The following ARHGAP21 variants were observed in gnomAD, a reference collection of about 807,000 sequenced individuals.
ARHGAP21 encodes the protein Rho GTPase activating protein 21.
Under a neutral mutation model 164.6 loss-of-function variants are expected in ARHGAP21, and 38 were observed. That is an observed-to-expected ratio of 0.23 (90% CI 0.18 to 0.30). ARHGAP21 has a LOEUF of 0.30. Ranked by LOEUF, ARHGAP21 falls within the 10% of genes least tolerant of loss-of-function variation. The pLI, the probability that ARHGAP21 is intolerant of heterozygous loss-of-function variation, is 1.00. For missense variants in ARHGAP21, 1,822 were observed against 2,370.7 expected (o/e 0.77, Z 4.81); for synonymous variants, 766 against 857.9 (o/e 0.89, Z 1.87).
intron 22 of ARHGAP21, 67 bp from the exon 23 acceptor site, chr10:24,591,750 T>G (rs1015485415): frequency 3.1e-6 from 5 of 1,600,790 alleles, no homozygotes; most frequent in African/African-American, 1.3e-5. Flanking sequence ...TCTTGGAGGA[T>G]AGTATAGAAA....
At chr10:24,652,967 T>G (rs1260346936) in intron 4 of ARHGAP21, among the ~76,000 whole-genome samples, 2 of 152,188 alleles carry the variant, frequency 1.3e-5, no homozygotes, top group Admixed American at 1.3e-4. Context: ...ACAAGAATAC[T>G]CATAGCTGCA....
At chr10:24,645,025 C>T (rs1014190363) in intron 4 of ARHGAP21, among the ~76,000 whole-genome samples, 3 of 152,252 alleles carry the variant, frequency 2.0e-5, no homozygotes, top group Non-Finnish European at 2.9e-5. Flanking sequence ...CAATATCCTT[C>T]AGTCCTTCAT....
chr10:24,655,565 C>T (rs865787300), intron 4 of ARHGAP21, among the ~76,000 whole-genome samples: 10 of 151,954 alleles, frequency 6.6e-5, no homozygotes, highest in Non-Finnish European at 1.2e-4. Context: ...CCGCGGGGCC[C>T]GAGGGCAAGG....
At chr10:24,675,791 A>G (rs1478870958) in intron 2 of ARHGAP21, among the ~76,000 whole-genome samples, 1 of 152,208 alleles carries the variant, frequency 6.6e-6, no homozygotes, top group Non-Finnish European at 1.5e-5. Context: ...TATACCATAT[A>G]AAGTCAATAT....
chr10:24,663,113 C>T (rs574851915), intron 4 of ARHGAP21, among the ~76,000 whole-genome samples: 2 of 152,212 alleles, frequency 1.3e-5, no homozygotes, highest in African/African-American at 4.8e-5. Context: ...GAAGCAATCC[C>T]CTGGGTATAT....
chr10:24,666,599 C>T (rs1419273639), intron 4 of ARHGAP21, among the ~76,000 whole-genome samples: 1 of 152,066 alleles, frequency 6.6e-6, no homozygotes, highest in Non-Finnish European at 1.5e-5. Flanking sequence ...TAACCCAAAC[C>T]CTCTTCTTTT....
intron 4 of ARHGAP21, among the ~76,000 whole-genome samples, chr10:24,635,815 G>C (rs1287012122): frequency 6.6e-6 from 1 of 152,222 alleles, no homozygotes; most frequent in Non-Finnish European, 1.5e-5. Flanking sequence ...AAAGTGCTGG[G>C]ATTACAGGCG....
At chr10:24,633,369 C>T in intron 6 of ARHGAP21, 33 bp downstream of exon 6, 9 of 1,451,286 alleles carry the variant, frequency 6.2e-6, no homozygotes, top group Non-Finnish European at 6.7e-6. Context: ...CTATAAAACC[C>T]ATCTTTGGGT....
At chr10:24,619,431 T>C (rs763984827) in intron 9 of ARHGAP21, 42 bp downstream of exon 9, 3 of 1,538,296 alleles carry the variant, frequency 2.0e-6, no homozygotes, top group Non-Finnish European at 2.6e-6. Flanking sequence ...AAAGATTTCT[T>C]ATACATTTGG....
chr10:24,627,169 A>G (rs574811682), intron 7 of ARHGAP21, among the ~76,000 whole-genome samples: 72 of 152,258 alleles, frequency 4.7e-4, no homozygotes, highest in African/African-American at 1.6e-3. Flanking sequence ...GCACTACCCA[A>G]TCCTGTTGCC....
intron 2 of ARHGAP21, among the ~76,000 whole-genome samples, chr10:24,699,875 A>C (rs1843499691): frequency 6.6e-6 from 1 of 152,164 alleles, no homozygotes; most frequent in African/African-American, 2.4e-5. Flanking sequence ...ATAGTTAAGT[A>C]CTCACTAAAT....
chr10:24,626,602 A>G (rs546086493), intron 7 of ARHGAP21, among the ~76,000 whole-genome samples: 2 of 152,300 alleles, frequency 1.3e-5, no homozygotes, highest in East Asian at 3.9e-4. Flanking sequence ...TTTATAGGCC[A>G]TCCAGTCTAA....
chr10:24,714,541 C>T (rs965493098), intron 2 of ARHGAP21, among the ~76,000 whole-genome samples: 35 of 152,310 alleles, frequency 2.3e-4, no homozygotes, highest in African/African-American at 7.7e-4. Flanking sequence ...GCTGCTGCTA[C>T]TGCCATCATT....
chr10:24,596,423 G>A, intron 17 of ARHGAP21: 2 of 508,752 alleles, frequency 3.9e-6, no homozygotes, highest in Non-Finnish European at 6.8e-6. Context: ...ACATTTACAT[G>A]TATTATACTT....
intron 7 of ARHGAP21, among the ~76,000 whole-genome samples, chr10:24,628,800 TATATACATATATATAC>T (rs1195416731): frequency 1.0e-5 from 1 of 98,952 alleles, no homozygotes; most frequent in Non-Finnish European, 2.2e-5. Context: ...TATATACACA[TATATACATATATATAC>T]ATATACACAC....
At chr10:24,609,811 A>G (rs2077175869) in intron 9 of ARHGAP21, among the ~76,000 whole-genome samples, 2 of 152,248 alleles carry the variant, frequency 1.3e-5, no homozygotes, top group East Asian at 3.8e-4. Flanking sequence ...AATACATATT[A>G]TTTAGTTGAC....
At chr10:24,675,587 A>G (rs1203746032) in intron 2 of ARHGAP21, among the ~76,000 whole-genome samples, 1 of 152,200 alleles carries the variant, frequency 6.6e-6, no homozygotes, top group East Asian at 1.9e-4. Flanking sequence ...ATACCTCAAT[A>G]AAGACATTTA....
Position 24,723,751 on chromosome 10 carries a change from C to A in ARHGAP21, c.-570G>T. ...GGCCGCTCCCAGGCACCGCCGCGAC[C>A]TGCCCCGGCCGGCCCCGGGCTCTCG... On this transcript the variant is annotated 5_prime_UTR_variant, in exon 1 of 26. In the 5' UTR this introduces an upstream ATG that the reference lacks. Transcript: ENST00000396432. The A allele has an allele frequency of 6.9e-6, 1 of 145,856 alleles. No homozygotes were observed. The highest frequency in any genetic ancestry group is 2.0e-4 in the South Asian group (1 of 5,038). 9.0% of individuals were successfully genotyped at this position (145,856 alleles called of 1,614,324 possible). A position where few individuals can be genotyped will look rare whatever the true frequency, so the allele number is the denominator to read the frequency against.
chr10:24,611,417 T>A (rs548618663), intron 9 of ARHGAP21, among the ~76,000 whole-genome samples: 34 of 152,212 alleles, frequency 2.2e-4, no homozygotes, highest in African/African-American at 6.5e-4. Flanking sequence ...GAAAAAAGAC[T>A]CACAGGCCAG....
Sources: allele counts gnomAD v4.1 joint callset (sites outside exome capture counted in the v4.1 genomes callset), GRCh38; gene constraint gnomAD v4.1.1; transcripts MANE v1.5; gene names NCBI Gene and HGNC (gene_info 2026-07-23, HGNC 2026-07-21).